IGF1R: variants seen among roughly 807,000 people sequenced by gnomAD.
IGF1R encodes the protein insulin-like growth factor 1 receptor.
In IGF1R, 44 loss-of-function variants were observed where a neutral mutation model predicts 144.6. The ratio of observed to expected loss-of-function variants is 0.30; its 90% CI spans 0.24 to 0.39. The LOEUF (loss-of-function observed/expected upper bound fraction) is 0.39. IGF1R is among the 10% of genes least tolerant of loss of function. The pLI is 1.00. For synonymous variants in IGF1R, 795 were observed against 722.8 expected (o/e 1.10, Z -1.60); for missense variants, 1,355 against 1,833.7 (o/e 0.74, Z 4.77).
intron 2 of IGF1R, among the ~76,000 whole-genome samples, chr15:98,803,199 T>C (rs1306312970): frequency 6.6e-6 from 1 of 152,202 alleles, no homozygotes; most frequent in Non-Finnish European, 1.5e-5. Flanking sequence ...ACTACACACC[T>C]AGGGTCCATG....
chr15:98,676,937 A>T (rs1023756521), intron 1 of IGF1R, among the ~76,000 whole-genome samples: 60 of 150,948 alleles, frequency 4.0e-4, no homozygotes, highest in African/African-American at 6.3e-4. Context: ...ATTAAAAAAA[A>T]TTTTTTTTTC....
intron 2 of IGF1R, among the ~76,000 whole-genome samples, chr15:98,782,499 T>C (rs1040353331): frequency 1.3e-5 from 2 of 152,222 alleles, no homozygotes; most frequent in Admixed American, 6.5e-5. Flanking sequence ...TTTAAATACT[T>C]AAATGGGGTT....
intron 2 of IGF1R, among the ~76,000 whole-genome samples, chr15:98,792,818 G>A (rs1338654020): frequency 2.0e-5 from 3 of 152,070 alleles, no homozygotes; most frequent in Non-Finnish European, 4.4e-5. Context: ...ATTTTGTTTT[G>A]GTTCAATAAG....
At chr15:98,948,386 CA>C in intron 19 of IGF1R, among the ~76,000 whole-genome samples, 187 bp from the exon 20 acceptor site, 1 of 152,202 alleles carries the variant, frequency 6.6e-6, no homozygotes, top group Non-Finnish European at 1.5e-5. Context: ...TTACGGGGAA[CA>C]TTAGCAGCAA....
chr15:98,879,935 A>G (rs931897272), intron 2 of IGF1R, among the ~76,000 whole-genome samples: 4 of 152,240 alleles, frequency 2.6e-5, no homozygotes, highest in Admixed American at 1.3e-4. Context: ...AGGCAAATCT[A>G]TAGCGACGAA....
chr15:98,665,445 A>T (rs1380017435), intron 1 of IGF1R, among the ~76,000 whole-genome samples: 1 of 151,986 alleles, frequency 6.6e-6, no homozygotes, highest in Non-Finnish European at 1.5e-5. Context: ...CATTTGCGTT[A>T]TCAATGTGAA....
chr15:98,719,601 C>G (rs1316181784), intron 2 of IGF1R, among the ~76,000 whole-genome samples: 3 of 152,192 alleles, frequency 2.0e-5, no homozygotes, highest in Non-Finnish European at 2.9e-5. Flanking sequence ...ACCTAACAGA[C>G]TGCCATTTTG....
chr15:98,736,021 C>G (rs1332217178), intron 2 of IGF1R, among the ~76,000 whole-genome samples: 2 of 152,196 alleles, frequency 1.3e-5, no homozygotes, highest in African/African-American at 4.8e-5. Flanking sequence ...CTGTACAGTA[C>G]TGCCCTGAGG....
chr15:98,734,701 C>A (rs921932875), intron 2 of IGF1R: 1 of 152,068 alleles, frequency 6.6e-6, no homozygotes, highest in African/African-American at 2.4e-5. Context: ...GCCAGGAGGC[C>A]GATTGTGTAA....
At chr15:98,660,269 A>G (rs1453150067) in intron 1 of IGF1R, 2 of 152,232 alleles carry the variant, frequency 1.3e-5, no homozygotes, top group Admixed American at 1.3e-4. Flanking sequence ...CAATACTACC[A>G]GCTTGCCCTC....
chr15:98,720,986 G>A (rs1031860232), intron 2 of IGF1R, among the ~76,000 whole-genome samples: 11 of 152,174 alleles, frequency 7.2e-5, no homozygotes, highest in African/African-American at 2.7e-4. Flanking sequence ...CAGCTGGAGT[G>A]ATCAAAGCAA....
intron 2 of IGF1R, among the ~76,000 whole-genome samples, chr15:98,881,675 C>T (rs966693795): frequency 6.6e-6 from 1 of 152,150 alleles, no homozygotes; most frequent in Non-Finnish European, 1.5e-5. Flanking sequence ...CCACCATAAA[C>T]ACGGTGGGGG....
At position 98,963,823 on chromosome 15, in the gene IGF1R, ACACAAAAATT is replaced by A. The variant is rs1414320328; in HGVS notation, c.*6382_*6391del. ...GAATTTTTAATAAAAACTATAACATACACAAAAATTGGTTTTAAAGTTGACTCCACTTCCT... is the reference window on the plus strand; with the variant it reads ...GAATTTTTAATAAAAACTATAACATAGGTTTTAAAGTTGACTCCACTTCCT... On this transcript the variant is annotated 3_prime_UTR_variant, in exon 21 of 21. Transcript: ENST00000650285. The A allele has an allele frequency of 4.3e-6, 1 of 232,688 alleles. No homozygotes were observed. The highest frequency in any genetic ancestry group is 2.2e-5 in the African/African-American group (1 of 45,350). The allele number at this position is 232,688 out of a possible 1,614,324, so 14.4% of individuals were successfully genotyped here.
intron 2 of IGF1R, among the ~76,000 whole-genome samples, chr15:98,730,233 A>C (rs564344668): frequency 6.8e-6 from 1 of 147,240 alleles, no homozygotes; most frequent in African/African-American, 2.5e-5. Flanking sequence ...GTGATTTTCA[A>C]TTTTTTTTTT....
At chr15:98,923,731 G>A (rs909954811) in intron 11 of IGF1R, 145 bp from the exon 12 acceptor site, 1 of 714,454 alleles carries the variant, frequency 1.4e-6, no homozygotes, top group Non-Finnish European at 2.5e-6. Flanking sequence ...CTGCCCGCGT[G>A]GATGGGGGCG....
rs1037561626 is a variant in IGF1R, at chr15:98,961,368, A to C, written c.*3926A>C. 2 of 233,476 alleles carry C rather than the reference A, an allele frequency of 8.6e-6. No individual in the cohort carries two copies. The highest frequency in any genetic ancestry group is 5.6e-5 in the Admixed American group (1 of 17,788). 14.5% of individuals were successfully genotyped at this position (233,476 alleles called of 1,614,324 possible). A position where few individuals can be genotyped will look rare whatever the true frequency, so the allele number is the denominator to read the frequency against. On this transcript the variant is annotated 3_prime_UTR_variant, in exon 21 of 21. Coordinates refer to ENST00000650285, the MANE Select transcript of IGF1R (RefSeq NM_000875.5). ...TTTAAGTAGAAAACACTAACAGTGT[A>C]GTGCCCATCATAGCAAATGCTTCAG...
chr15:98,954,923 G>A (rs563845690), intron 20 of IGF1R, among the ~76,000 whole-genome samples: 1 of 152,118 alleles, frequency 6.6e-6, no homozygotes, highest in African/African-American at 2.4e-5. Flanking sequence ...GGTGAGGGAG[G>A]GTCTCCTGGT....
intron 1 of IGF1R, among the ~76,000 whole-genome samples, chr15:98,692,973 T>A (rs2053512695): frequency 6.6e-6 from 1 of 152,108 alleles, no homozygotes; most frequent in Admixed American, 6.5e-5. Flanking sequence ...GTGATTGCAT[T>A]TTGCCAAGGC....
intron 2 of IGF1R, among the ~76,000 whole-genome samples, chr15:98,831,747 T>C (rs1262852890): frequency 1.3e-5 from 2 of 152,166 alleles, no homozygotes; most frequent in African/African-American, 4.8e-5. Flanking sequence ...AATGAATATT[T>C]CCCTGAGACA....
Sources: gnomAD v4.1 joint callset for allele counts (sites outside exome capture counted in the v4.1 genomes callset) on GRCh38, gnomAD v4.1.1 for gene constraint, MANE v1.5 for transcripts, NCBI Gene and HGNC (gene_info 2026-07-23, HGNC 2026-07-21) for gene names.